Variants in PPM1L observed in about 807,000 individuals in gnomAD.
The protein encoded by PPM1L is protein phosphatase 1L.
Under a neutral mutation model 31.4 loss-of-function variants are expected in PPM1L, and 13 were observed. That is an observed-to-expected ratio of 0.41 (90% CI 0.27 to 0.66). The LOEUF is 0.66. Ranked by LOEUF, PPM1L falls within the 30% of genes least tolerant of loss-of-function variation. The pLI is 0.29. For synonymous variants in PPM1L, 184 were observed against 175.4 expected (o/e 1.05, Z -0.39); for missense variants, 326 against 453.7 (o/e 0.72, Z 2.56).
intron 1 of PPM1L, among the ~76,000 whole-genome samples, chr3:160,957,671 A>T (rs940893443): frequency 7.0e-6 from 1 of 141,900 alleles, no homozygotes; most frequent in Non-Finnish European, 1.5e-5. Flanking sequence ...TCCGCCTCCC[A>T]GGTTCACCCA....
intron 1 of PPM1L, among the ~76,000 whole-genome samples, chr3:160,909,015 G>A (rs1333762570): frequency 1.3e-5 from 2 of 152,226 alleles, no homozygotes; most frequent in South Asian, 2.1e-4. Flanking sequence ...AGAGTGAAGG[G>A]TGTTCAGAAA....
intron 1 of PPM1L, among the ~76,000 whole-genome samples, chr3:160,778,294 G>A (rs9868489): frequency 5.9e-5 from 9 of 151,686 alleles, no homozygotes; most frequent in Admixed American, 3.3e-4. Flanking sequence ...TTATCAGGTA[G>A]ATAATTTGCT....
chr3:160,831,556 G>T (rs1367696610), intron 1 of PPM1L, among the ~76,000 whole-genome samples: 1 of 152,138 alleles, frequency 6.6e-6, no homozygotes, highest in Non-Finnish European at 1.5e-5. Flanking sequence ...AAAAGATTTC[G>T]AGGAGCAGGT....
intron 1 of PPM1L, among the ~76,000 whole-genome samples, chr3:160,769,113 C>T (rs1251051546): frequency 1.3e-5 from 2 of 152,214 alleles, no homozygotes; most frequent in Non-Finnish European, 2.9e-5. Context: ...ATGTGATCAG[C>T]ATGATTAGCC....
At position 160,778,847 on chromosome 3, in the gene PPM1L, A is replaced by G. The variant is rs1568574; in HGVS notation, c.399+22140A>G. Reference sequence around the variant, plus strand: ...CAGAAAACCTGTCTTGAGAACTTTAAAGGCTTTGAGCCCAGAAGCTCTCTC... The same window carrying G: ...CAGAAAACCTGTCTTGAGAACTTTAGAGGCTTTGAGCCCAGAAGCTCTCTC... On this transcript the variant is annotated intron_variant, in intron 1 of 3. Coordinates refer to ENST00000498165, the MANE Select transcript of PPM1L (RefSeq NM_139245.4). 5.4e-4 allele frequency among the ~76,000 whole-genome samples: 82 copies of G among 152,294 alleles called. No homozygotes were observed. The East Asian group carries it at 0.012, about 21-fold the overall frequency.
At chr3:160,818,289 A>C (rs1713055245) in intron 1 of PPM1L, among the ~76,000 whole-genome samples, 1 of 152,012 alleles carries the variant, frequency 6.6e-6, no homozygotes, top group Non-Finnish European at 1.5e-5. Context: ...ACCAGCGTAA[A>C]CTTAACAAAA....
chr3:161,067,607 G>T lies in PPM1L; in HGVS notation c.737-1204G>T, dbSNP rs535973973. Among the ~76,000 whole-genome samples, 8 of 152,322 alleles carry T rather than the reference G, an allele frequency of 5.3e-5. No individual in the cohort carries two copies. In the East Asian group the frequency reaches 1.5e-3, roughly 29 times the overall value. On this transcript the variant is annotated intron_variant, in intron 3 of 3. Transcript: ENST00000498165. ...TTACACATACACTTTCTCTTTGCCT[G>T]TCTTAAGAGGTTGATAATATTATTC...
At position 160,761,786 on chromosome 3, in the gene PPM1L, A is replaced by G. The variant is rs79613467; in HGVS notation, c.399+5079A>G. ...ACGTGGCTGGGGAAGCCTCACAGTC[A>G]TGGCTGAAGGTGAAAGGTGCATCTC... On this transcript the variant is annotated intron_variant, in intron 1 of 3. Coordinates refer to ENST00000498165, the MANE Select transcript of PPM1L (RefSeq NM_139245.4). Among the ~76,000 whole-genome samples, 5 of 152,340 alleles carry G rather than the reference A, an allele frequency of 3.3e-5. No individual in the cohort carries two copies. The East Asian group carries it at 9.7e-4, about 29-fold the overall frequency.
chr3:160,891,984 CG>C (rs1713164261), intron 1 of PPM1L, among the ~76,000 whole-genome samples: 2 of 151,882 alleles, frequency 1.3e-5, no homozygotes, highest in Admixed American at 6.6e-5. Flanking sequence ...CATCACACAC[CG>C]GGGCCTGTCA....
At chr3:160,851,665 C>A (rs1180629580) in intron 1 of PPM1L, among the ~76,000 whole-genome samples, 1 of 152,050 alleles carries the variant, frequency 6.6e-6, no homozygotes, top group Non-Finnish European at 1.5e-5. Context: ...GAGAACAAGA[C>A]TTTTTACCGA....
At position 160,785,437 on chromosome 3, in the gene PPM1L, T is replaced by C. The variant is rs1460184566; in HGVS notation, c.399+28730T>C. ...TAACTTAAAATGCTCAAACTAAACA[T>C]TTCAAACAGCATAAAAATGCTCAAT... On this transcript the variant is annotated intron_variant, in intron 1 of 3. Coordinates refer to ENST00000498165, the MANE Select transcript of PPM1L (RefSeq NM_139245.4). Among the ~76,000 whole-genome samples the C allele has an allele frequency of 2.0e-5, 3 of 152,166 alleles. No individual in the cohort carries two copies. The East Asian group carries it at 5.8e-4, about 29-fold the overall frequency.
At chr3:160,776,055 C>T (rs1290564700) in intron 1 of PPM1L, among the ~76,000 whole-genome samples, 1 of 152,172 alleles carries the variant, frequency 6.6e-6, no homozygotes, top group African/African-American at 2.4e-5. Context: ...TAAAAATCAT[C>T]ACCTTTATCT....
chr3:160,813,803 C>T (rs1712885993), intron 1 of PPM1L, among the ~76,000 whole-genome samples: 2 of 152,196 alleles, frequency 1.3e-5, no homozygotes, highest in South Asian at 2.1e-4. Context: ...AAATATTACT[C>T]TCTGATAACC....
At position 161,069,146 on chromosome 3, in the gene PPM1L, G is replaced by C; in HGVS notation, c.1072G>C (p.Glu358Gln). Residue 358 changes from glutamate (E) to glutamine (Q), a missense_variant, in exon 4 of 4, where the codon GAA becomes CAA. Physicochemically the swap from Glu to Gln is conservative, Grantham distance 29. This residue lies in a region of PPM1L where 201 missense variants were observed against 298.2 expected (regional missense o/e 0.67). Coordinates refer to ENST00000498165, the MANE Select transcript of PPM1L (RefSeq NM_139245.4). The stretch of plus-strand genomic sequence containing the variant: ...GAAGTTCAGAAATAGCAGCAAAACA[G>C]AAGAGCAGTGAACCCTTCAGGGGTC... ...VVKFRNSSKT[E>Q]EQ is the part of the protein sequence containing the mutation. 2 of 1,612,812 alleles carry C rather than the reference G, an allele frequency of 1.2e-6. No homozygotes were observed. The highest frequency in any genetic ancestry group is 1.7e-6 in the Non-Finnish European group (2 of 1,179,378).
intron 2 of PPM1L, among the ~76,000 whole-genome samples, chr3:161,051,100 A>G (rs907523888): frequency 6.6e-6 from 1 of 151,974 alleles, no homozygotes; most frequent in Non-Finnish European, 1.5e-5. Context: ...CCTCCCAGCT[A>G]TCCTCTCCAC....
intron 1 of PPM1L, among the ~76,000 whole-genome samples, chr3:160,772,699 A>C (rs936524813): frequency 2.0e-5 from 3 of 152,134 alleles, no homozygotes; most frequent in African/African-American, 7.2e-5. Context: ...CTTCTTGGTA[A>C]TTCCTTTCTT....
intron 1 of PPM1L, among the ~76,000 whole-genome samples, chr3:160,889,018 T>G (rs1368824298): frequency 6.6e-6 from 1 of 152,140 alleles, no homozygotes; most frequent in Non-Finnish European, 1.5e-5. Context: ...AAGAGGGAAA[T>G]TTATAGCACT....
chr3:160,846,185 A>G (rs929070361), intron 1 of PPM1L, among the ~76,000 whole-genome samples: 13 of 152,116 alleles, frequency 8.5e-5, no homozygotes, highest in African/African-American at 1.2e-4. Flanking sequence ...GTACTATAAC[A>G]AAAAAACTTG....
At chr3:160,981,736 A>T (rs553492201) in intron 2 of PPM1L, among the ~76,000 whole-genome samples, 2 of 141,064 alleles carry the variant, frequency 1.4e-5, no homozygotes, top group Non-Finnish European at 3.0e-5. Flanking sequence ...TTCTCATTTT[A>T]TTTATTTATT....
Sources: gnomAD v4.1 joint callset for allele counts (sites outside exome capture counted in the v4.1 genomes callset) on GRCh38, gnomAD v4.1.1 for gene constraint, gnomAD v4.1.1 regional missense constraint, MANE v1.5 for transcripts, NCBI Gene and HGNC (gene_info 2026-07-23, HGNC 2026-07-21) for gene names.